MACROD2: variants seen among roughly 807,000 people sequenced by gnomAD.
MACROD2 encodes the protein ADP-ribose glycohydrolase MACROD2.
MACROD2 carries 36 observed loss-of-function variants against 70.4 expected under a neutral mutation model. The ratio of observed to expected loss-of-function variants is 0.51; its 90% confidence interval spans 0.39 to 0.68. The LOEUF (loss-of-function observed/expected upper bound fraction) is 0.68. Ranked by LOEUF, MACROD2 falls within the 30% of genes least tolerant of loss-of-function variation. The probability of loss-of-function intolerance (pLI) is 0.00; values close to 1 mark genes in which losing one functional copy is unlikely to be tolerated. For missense variants in MACROD2, 496 were observed against 538.4 expected, an observed-to-expected ratio of 0.92 and a Z score of 0.78; for synonymous variants, 172 against 178.8, an observed-to-expected ratio of 0.96 and a Z score of 0.30.
chr20:14,452,627 G>A (rs141470308), intron 3 of MACROD2, among the ~76,000 whole-genome samples: 121 of 152,132 alleles, frequency 8.0e-4, no homozygotes, highest in African/African-American at 2.6e-3. Flanking sequence ...CATTATTTCC[G>A]GATTTGTTTG....
chr20:14,495,251 TCTTA>T (rs2084840603), intron 4 of MACROD2, among the ~76,000 whole-genome samples: 1 of 152,290 alleles, frequency 6.6e-6, no homozygotes, highest in South Asian at 2.1e-4. Flanking sequence ...GAGACTCAGC[TCTTA>T]CTTTTCTGTT....
chr20:14,200,905 T>G (rs2081474108), intron 3 of MACROD2, among the ~76,000 whole-genome samples: 1 of 151,876 alleles, frequency 6.6e-6, no homozygotes. Context: ...TTTGTATAAG[T>G]CCTTTAACCA....
chr20:15,792,524 A>G (rs2063634143), intron 8 of MACROD2, among the ~76,000 whole-genome samples: 1 of 152,160 alleles, frequency 6.6e-6, no homozygotes, highest in Non-Finnish European at 1.5e-5. Context: ...CAAGTTGCTG[A>G]AAAAGAAATA....
At chr20:14,491,508 A>G (rs1297587742) in intron 3 of MACROD2, among the ~76,000 whole-genome samples, 1 of 152,252 alleles carries the variant, frequency 6.6e-6, no homozygotes, top group Non-Finnish European at 1.5e-5. Flanking sequence ...AAGTTAAAAT[A>G]TTACTGGATA....
At chr20:14,224,200 A>G (rs1457855147) in intron 3 of MACROD2, among the ~76,000 whole-genome samples, 2 of 152,220 alleles carry the variant, frequency 1.3e-5, no homozygotes, top group African/African-American at 4.8e-5. Flanking sequence ...GTTGACACAT[A>G]AAACTATCAC....
At chr20:14,439,516 G>T (rs944925938) in intron 3 of MACROD2, among the ~76,000 whole-genome samples, 4 of 152,108 alleles carry the variant, frequency 2.6e-5, no homozygotes, top group Admixed American at 2.0e-4. Context: ...GTGTGTGTGT[G>T]TATGTATATA....
intron 4 of MACROD2, among the ~76,000 whole-genome samples, chr20:14,494,412 G>A (rs1228574575): frequency 6.6e-6 from 1 of 151,996 alleles, no homozygotes; most frequent in Non-Finnish European, 1.5e-5. Context: ...TTCTCTGTAA[G>A]AACAGTTGAT....
chr20:14,120,562 C>T (rs192053280), intron 3 of MACROD2, among the ~76,000 whole-genome samples: 1 of 151,844 alleles, frequency 6.6e-6, no homozygotes, highest in Admixed American at 6.6e-5. Context: ...ACTATAAAGA[C>T]ACATGCATGT....
At chr20:14,079,978 A>T (rs1384833448) in intron 2 of MACROD2, among the ~76,000 whole-genome samples, 4 of 152,136 alleles carry the variant, frequency 2.6e-5, no homozygotes, top group African/African-American at 7.2e-5. Flanking sequence ...GACTGCTGTT[A>T]TAGGGTTCCC....
chr20:14,161,037 T>A (rs1391974452), intron 3 of MACROD2, among the ~76,000 whole-genome samples: 5 of 152,138 alleles, frequency 3.3e-5, no homozygotes, highest in Non-Finnish European at 7.4e-5. Flanking sequence ...TTTCCATCTT[T>A]ATGTTCGTGC....
intron 5 of MACROD2, among the ~76,000 whole-genome samples, chr20:15,107,147 C>T (rs2075917240): frequency 6.6e-6 from 1 of 151,362 alleles, no homozygotes. Context: ...CTCATTCCAG[C>T]ATTTTATGGA....
intron 8 of MACROD2, among the ~76,000 whole-genome samples, chr20:15,690,235 G>C (rs1485866093): frequency 6.6e-6 from 1 of 152,178 alleles, no homozygotes; most frequent in Non-Finnish European, 1.5e-5. Flanking sequence ...TTGACAATTA[G>C]TATGACATGT....
At position 15,233,983 on chromosome 20, in the gene MACROD2, T is replaced by TATATATATA. The variant is rs2076984620; in HGVS notation, c.540+3922_540+3923insATATATATA. ...AAAATTTATTTTTATATATATTTATTTATATATATATATATATATATATAT... is the reference window on the plus strand; with the variant it reads ...AAAATTTATTTTTATATATATTTATTATATATATATATATATATATATATATATATATAT... On this transcript the variant is annotated intron_variant, in intron 6 of 17. Coordinates refer to ENST00000684519, the MANE Select transcript of MACROD2 (RefSeq NM_001351661.2). 8.0e-4 allele frequency among the ~76,000 whole-genome samples: 35 copies of TATATATATA among 44,000 alleles called. 1 individual carries two copies. Among genetic ancestry groups the TATATATATA allele is most frequent in the Middle Eastern group, 0.014 (1 of 70 alleles). 28.9% of individuals were successfully genotyped at this position (44,000 alleles called of 152,430 possible).
At chr20:15,372,964 A>G (rs757606019) in intron 6 of MACROD2, among the ~76,000 whole-genome samples, 1 of 152,078 alleles carries the variant, frequency 6.6e-6, no homozygotes, top group Non-Finnish European at 1.5e-5. Flanking sequence ...GGGCAGAAGG[A>G]TTGCTTGAGA....
At chr20:15,353,522 G>A (rs2078251548) in intron 6 of MACROD2, among the ~76,000 whole-genome samples, 1 of 152,138 alleles carries the variant, frequency 6.6e-6, no homozygotes, top group Middle Eastern at 3.4e-3. Flanking sequence ...TTAAACTAAA[G>A]AGCTTCTGCA....
At chr20:14,797,634 G>C (rs1329933008) in intron 5 of MACROD2, among the ~76,000 whole-genome samples, 1 of 152,026 alleles carries the variant, frequency 6.6e-6, no homozygotes, top group Non-Finnish European at 1.5e-5. Flanking sequence ...CAAGCCCCGG[G>C]TTCAGCCCTA....
At chr20:16,000,551 A>T (rs1464918081) in intron 15 of MACROD2, among the ~76,000 whole-genome samples, 1 of 152,134 alleles carries the variant, frequency 6.6e-6, no homozygotes, top group African/African-American at 2.4e-5. Context: ...GGTCAGTCTC[A>T]TTTTGTTTGG....
At chr20:16,035,060 ATAT>A (rs1449870646) in intron 15 of MACROD2, among the ~76,000 whole-genome samples, 3,239 of 133,196 alleles carry the variant, frequency 0.024, 103 homozygotes, top group Non-Finnish European at 0.028. Context: ...AGAATATAAA[ATAT>A]TATATATAAA....
chr20:14,969,718 T>G (rs1204951954), intron 5 of MACROD2, among the ~76,000 whole-genome samples: 1 of 152,206 alleles, frequency 6.6e-6, no homozygotes, highest in African/African-American at 2.4e-5. Context: ...ACACCTTTTA[T>G]TTTTGAAGTC....
Sources: allele counts gnomAD v4.1 joint callset (sites outside exome capture counted in the v4.1 genomes callset), GRCh38; gene constraint gnomAD v4.1.1; transcripts MANE v1.5; gene names NCBI Gene and HGNC (gene_info 2026-07-23, HGNC 2026-07-21).